The following EML1 variants were observed in gnomAD, a reference collection of about 807,000 sequenced individuals.
EML1 encodes the protein echinoderm microtubule-associated protein-like 1.
A neutral mutation model predicts 110.4 loss-of-function variants in EML1; 27 were observed. The observed-to-expected ratio is 0.24, with a 90% CI of 0.18 to 0.34. The LOEUF (loss-of-function observed/expected upper bound fraction) is 0.34. EML1 is among the 10% of genes least tolerant of loss of function. The probability of loss-of-function intolerance (pLI) is 1.00; values close to 1 mark genes in which losing one functional copy is unlikely to be tolerated. For synonymous variants in EML1, 344 were observed against 385.8 expected, an observed-to-expected ratio of 0.89 and a Z score of 1.27; for missense variants, 741 against 1,030.9, an observed-to-expected ratio of 0.72 and a Z score of 3.85.
rs554090694 is a variant in EML1, at chr14:99,813,441, G to A, written c.67+19898G>A. 2.6e-5 allele frequency among the ~76,000 whole-genome samples: 4 copies of A among 152,332 alleles called. No homozygotes were observed. In the South Asian group the frequency reaches 6.2e-4, roughly 24 times the overall value. ...TTAAAAACGATTGAGATGGCCAGGT[G>A]TGGTGGCTCACGCCTGTAATCCCAG... On this transcript the variant is annotated intron_variant, in intron 1 of 21. Coordinates refer to ENST00000262233, the MANE Select transcript of EML1 (RefSeq NM_004434.3).
chr14:99,880,433 T>G (rs1487045993), intron 4 of EML1, among the ~76,000 whole-genome samples: 1 of 152,144 alleles, frequency 6.6e-6, no homozygotes, highest in Non-Finnish European at 1.5e-5. Context: ...AGCCCCATGC[T>G]CAGGCTGCCT....
intron 1 of EML1, among the ~76,000 whole-genome samples, chr14:99,832,511 C>T (rs1200998384): frequency 6.6e-6 from 1 of 152,216 alleles, no homozygotes; most frequent in East Asian, 1.9e-4. Context: ...TGCTGATTCA[C>T]ATGCTCACCA....
At chr14:99,906,442 G>A (rs1224018594) in intron 9 of EML1, among the ~76,000 whole-genome samples, 3 of 152,154 alleles carry the variant, frequency 2.0e-5, no homozygotes, top group Non-Finnish European at 4.4e-5. Flanking sequence ...AGAGCATATA[G>A]GGTAACTTCC....
chr14:99,751,578 C>T (rs545151082), intron 1 of EML1, among the ~76,000 whole-genome samples: 3 of 152,040 alleles, frequency 2.0e-5, no homozygotes, highest in African/African-American at 4.8e-5. Flanking sequence ...GATGGGGTAT[C>T]GTGAATCAGG....
intron 1 of EML1, among the ~76,000 whole-genome samples, chr14:99,758,724 G>A (rs1239578366): frequency 2.0e-5 from 3 of 152,108 alleles, no homozygotes; most frequent in South Asian, 4.1e-4. Flanking sequence ...CATTCCATAC[G>A]GAGGCTTCTG....
At chr14:99,833,628 C>T (rs539501925) in intron 1 of EML1, among the ~76,000 whole-genome samples, 7 of 152,312 alleles carry the variant, frequency 4.6e-5, no homozygotes, top group African/African-American at 1.2e-4. Context: ...CCCACAGACA[C>T]GGTATATCTC....
chr14:99,908,113 C>G (rs1033254576), intron 10 of EML1, among the ~76,000 whole-genome samples: 5 of 152,220 alleles, frequency 3.3e-5, no homozygotes, highest in African/African-American at 1.2e-4. Flanking sequence ...GGCTTGCTGC[C>G]TGAGCCCCTG....
chr14:99,923,125 A>G (rs2060159456), intron 17 of EML1, among the ~76,000 whole-genome samples: 1 of 152,056 alleles, frequency 6.6e-6, no homozygotes, highest in African/African-American at 2.4e-5. Context: ...TATTTTTGTT[A>G]GAGACAGGGT....
intron 1 of EML1, among the ~76,000 whole-genome samples, chr14:99,823,255 T>C (rs1360064255): frequency 6.6e-6 from 1 of 152,030 alleles, no homozygotes; most frequent in Non-Finnish European, 1.5e-5. Context: ...GCTTCTTTTC[T>C]TCTGCTTGTG....
chr14:99,764,117 C>T lies in EML1; in HGVS notation c.28+26257C>T, dbSNP rs148613965. ...GAGATGCCCGCTAGTCTCAGGCCACCGCTGACTTGCTGTGTGACCTTCCTC... is the reference window on the plus strand; with the variant it reads ...GAGATGCCCGCTAGTCTCAGGCCACTGCTGACTTGCTGTGTGACCTTCCTC... On this transcript the variant is annotated intron_variant, in intron 1 of 10. Transcript: ENST00000554479. Among the ~76,000 whole-genome samples the T allele has an allele frequency of 1.2e-3, 180 of 152,260 alleles. 3 individuals are homozygous for T. In the South Asian group the frequency reaches 0.016, roughly 13 times the overall value.
At chr14:99,907,414 G>A in intron 9 of EML1, 1 of 540,360 alleles carries the variant, frequency 1.9e-6, no homozygotes, top group South Asian at 2.4e-5. Context: ...GGTGCAGAGA[G>A]CAATGATTGC....
At chr14:99,763,566 C>G (rs1035677902) in intron 1 of EML1, among the ~76,000 whole-genome samples, 1 of 152,160 alleles carries the variant, frequency 6.6e-6, no homozygotes, top group African/African-American at 2.4e-5. Flanking sequence ...CACCAGCCCT[C>G]AGAGAGGCTC....
chr14:99,861,028 A>G (rs2058995061), intron 2 of EML1, among the ~76,000 whole-genome samples: 1 of 152,204 alleles, frequency 6.6e-6, no homozygotes, highest in African/African-American at 2.4e-5. Flanking sequence ...ACAACAATAG[A>G]TTATTATGAG....
At position 99,871,043 on chromosome 14, in the gene EML1, G is replaced by A. The variant is rs148807896; in HGVS notation, c.383+5397G>A. On this transcript the variant is annotated intron_variant, in intron 3 of 21. Coordinates refer to ENST00000262233, the MANE Select transcript of EML1 (RefSeq NM_004434.3). ...GCGATTTTGGCTCACTGCAACCTCC[G>A]CCTCCCGGGTTCAAGTGATTCTCCT... Among the ~76,000 whole-genome samples the A allele has an allele frequency of 6.4e-3, 973 of 151,944 alleles. 7 individuals carry two copies. The highest frequency in any genetic ancestry group is 0.02 in the South Asian group (96 of 4,792).
At chr14:99,800,486 C>T (rs1035762268) in intron 1 of EML1, among the ~76,000 whole-genome samples, 18 of 152,082 alleles carry the variant, frequency 1.2e-4, no homozygotes, top group Middle Eastern at 3.2e-3. Context: ...CTCAGCCTCC[C>T]GAGTAGCTGG....
At chr14:99,928,242 G>A (rs1595497808) in intron 17 of EML1, among the ~76,000 whole-genome samples, 1 of 119,226 alleles carries the variant, frequency 8.4e-6, no homozygotes. Context: ...GGTGGTGGTG[G>A]TGGTGGGTAG....
At chr14:99,930,426 C>T (rs1009757398) in intron 17 of EML1, among the ~76,000 whole-genome samples, 3 of 152,162 alleles carry the variant, frequency 2.0e-5, no homozygotes, top group Non-Finnish European at 2.9e-5. Flanking sequence ...TCACCCAGAG[C>T]GGGTGGGGGT....
chr14:99,765,390 G>T (rs756317962), intron 1 of EML1, among the ~76,000 whole-genome samples: 2 of 151,958 alleles, frequency 1.3e-5, no homozygotes, highest in Non-Finnish European at 2.9e-5. Flanking sequence ...CCCCCACCAC[G>T]CCAGGCCCCT....
intron 1 of EML1, among the ~76,000 whole-genome samples, chr14:99,756,314 A>G (rs2057254230): frequency 6.6e-6 from 1 of 152,224 alleles, no homozygotes; most frequent in Non-Finnish European, 1.5e-5. Flanking sequence ...CATACTGGTC[A>G]TCGGGTGGCA....
Sources: allele counts gnomAD v4.1 joint callset (sites outside exome capture counted in the v4.1 genomes callset), GRCh38; gene constraint gnomAD v4.1.1; transcripts MANE v1.5; gene names NCBI Gene and HGNC (gene_info 2026-07-23, HGNC 2026-07-21).